Variants in SRPK1 observed in about 807,000 individuals in gnomAD.
SRPK1 encodes the protein SFRS protein kinase 1.
Under a neutral mutation model 89.5 loss-of-function variants are expected in SRPK1, and 52 were observed. That is an observed-to-expected ratio of 0.58 (90% CI 0.46 to 0.73). SRPK1 has a LOEUF of 0.73. Ranked by LOEUF, SRPK1 falls within the 30% of genes least tolerant of loss-of-function variation. The pLI is 0.00. For missense variants in SRPK1, 603 were observed against 780.6 expected (o/e 0.77, Z 2.71); for synonymous variants, 255 against 270.2 (o/e 0.94, Z 0.55).
intron 14 of SRPK1, chr6:35,838,880 C>A (rs1378595046): frequency 5.4e-6 from 7 of 1,294,814 alleles, no homozygotes; most frequent in African/African-American, 3.0e-5. Context: ...CAAGGACTAG[C>A]TGTTTAAAAG....
At chr6:35,857,142 T>TG in intron 13 of SRPK1, 119 bp downstream of exon 13, 1 of 719,520 alleles carries the variant, frequency 1.4e-6, no homozygotes, top group Middle Eastern at 2.4e-4. Flanking sequence ...AGAATACCTA[T>TG]GGTAAATCAT....
At chr6:35,907,761 A>G (rs1230447649) in intron 2 of SRPK1, among the ~76,000 whole-genome samples, 2 of 152,176 alleles carry the variant, frequency 1.3e-5, no homozygotes, top group Non-Finnish European at 2.9e-5. Context: ...CACATGAATA[A>G]CAAGAAAGAG....
chr6:35,846,185 G>A (rs1426569411), intron 13 of SRPK1, among the ~76,000 whole-genome samples: 1 of 152,046 alleles, frequency 6.6e-6, no homozygotes, highest in Admixed American at 6.6e-5. Flanking sequence ...AGCACTTTGG[G>A]AGGCCAAGAC....
intron 2 of SRPK1, among the ~76,000 whole-genome samples, chr6:35,894,638 TA>T (rs34485022): frequency 9.9e-5 from 15 of 152,050 alleles, no homozygotes; most frequent in African/African-American, 3.6e-4. Flanking sequence ...GGCTTCTAGG[TA>T]AAAAAAGCTA....
intron 12 of SRPK1, among the ~76,000 whole-genome samples, chr6:35,858,787 G>A (rs540427488): frequency 1.3e-5 from 2 of 152,170 alleles, no homozygotes; most frequent in South Asian, 4.1e-4. Context: ...TATATATAGA[G>A]AAAACAATAA....
chr6:35,882,957 T>C (rs549404701), intron 6 of SRPK1, among the ~76,000 whole-genome samples: 1 of 152,210 alleles, frequency 6.6e-6, no homozygotes, highest in East Asian at 1.9e-4. Context: ...TACAGGCACG[T>C]GCCACCACGC....
intron 2 of SRPK1, among the ~76,000 whole-genome samples, chr6:35,898,554 ATT>A (rs1238241331): frequency 6.6e-6 from 1 of 152,104 alleles, no homozygotes; most frequent in Non-Finnish European, 1.5e-5. Flanking sequence ...GTATTACTAT[ATT>A]TTTTACAAGT....
At position 35,869,559 on chromosome 6, in the gene SRPK1, A is replaced by G. The variant is rs767705257; in HGVS notation, c.1334T>C (p.Leu445Pro). 34 of 1,613,814 alleles carry G rather than the reference A, an allele frequency of 2.1e-5. 1 individual carries two copies. In the South Asian group the frequency reaches 3.7e-4, roughly 18 times the overall value. Reference protein sequence around the residue: ...QSFSEQHISQLQESIRAEIPC... With the variant: ...QSFSEQHISQPQESIRAEIPC... ...TATCTCTGCCCGAATGCTTTCTTGA[A>G]GTTGGCTAATGTGTTGTTCACTGAA... The change falls in exon 11 of 16, where the codon CTT (leucine) becomes CCT (proline). Residue 445 changes from leucine (L) to proline (P), a missense_variant. By Grantham distance (98) the Leu-to-Pro change is moderately conservative (BLOSUM62 -3). Transcript: ENST00000373825.
chr6:35,920,510 C>A lies in SRPK1; in HGVS notation c.32G>T (p.Arg11Leu), dbSNP rs774096126. 6.2e-7 allele frequency: 1 copy of A among 1,613,338 alleles called. No individual in the cohort carries two copies. The highest frequency in any genetic ancestry group is 8.5e-7 in the Non-Finnish European group (1 of 1,179,496). MERKVLALQA[R>L]KKRTKAKKDK... is the part of the protein sequence containing the mutation. ...CTTCTTGGCCTTGGTCCTTTTCTTT[C>A]GGGCCTGGAGCGCAAGCACTGCAGG... The change falls in exon 2 of 16, where the codon CGA becomes CTA. Residue 11 changes from arginine to leucine, a missense_variant. Arg to Leu is a moderately radical substitution (Grantham distance 102). Transcript: ENST00000373825.
At chr6:35,880,740 A>AC (rs1770259349) in intron 6 of SRPK1, among the ~76,000 whole-genome samples, 1 of 112,854 alleles carries the variant, frequency 8.9e-6, no homozygotes, top group Non-Finnish European at 1.8e-5. Context: ...AAAAAGAAAA[A>AC]AAAAAAAAAA....
chr6:35,869,453 GT>G, intron 11 of SRPK1, 28 bp downstream of exon 11: 1 of 1,599,326 alleles, frequency 6.3e-7, no homozygotes, highest in Non-Finnish European at 8.6e-7. Context: ...CAGGGAAGGA[GT>G]GTTGAGGAAG....
At chr6:35,884,133 A>C (rs1770354826) in intron 6 of SRPK1, among the ~76,000 whole-genome samples, 2 of 152,216 alleles carry the variant, frequency 1.3e-5, no homozygotes, top group Non-Finnish European at 2.9e-5. Context: ...AAGCACATTT[A>C]GGGCACATTA....
intron 6 of SRPK1, among the ~76,000 whole-genome samples, chr6:35,879,080 CTT>C (rs984868231): frequency 6.6e-6 from 1 of 151,940 alleles, no homozygotes; most frequent in African/African-American, 2.4e-5. Context: ...GACAGAGACT[CTT>C]GTCTCTAAAT....
chr6:35,915,997 TACACACACACACAC>T lies in SRPK1; in HGVS notation c.74+4457_74+4470del, dbSNP rs57574093. ...AAAAACAAAAAAAAAAAAAAATATA[TACACACACACACAC>T]ACACACACACACACACACACACACA... On this transcript the variant is annotated intron_variant, in intron 2 of 15. Transcript: ENST00000373825. Among the ~76,000 whole-genome samples the T allele has an allele frequency of 2.0e-3, 178 of 90,202 alleles. 2 individuals carry two copies. Among genetic ancestry groups the T allele is most frequent in the South Asian group, 3.5e-3 (9 of 2,574 alleles). The allele number at this position is 90,202 out of a possible 152,430, so 59.2% of individuals were successfully genotyped here.
At chr6:35,891,055 G>T (rs984831017) in intron 2 of SRPK1, 42 bp from the exon 3 acceptor site, 14 of 1,529,034 alleles carry the variant, frequency 9.2e-6, no homozygotes, top group Non-Finnish European at 1.2e-5. Flanking sequence ...TTGGACAGAA[G>T]AAAATAAGAC....
intron 7 of SRPK1, among the ~76,000 whole-genome samples, chr6:35,873,333 A>G (rs1770074408): frequency 6.6e-6 from 1 of 152,356 alleles, no homozygotes; most frequent in Admixed American, 6.5e-5. Flanking sequence ...GAACTTCTGG[A>G]TAAGGGCTCC....
At chr6:35,905,000 TA>T in intron 2 of SRPK1, 1 of 441,946 alleles carries the variant, frequency 2.3e-6, no homozygotes, top group South Asian at 1.6e-5. Flanking sequence ...AAAAAAAAAT[TA>T]AAAATTAAGG....
intron 14 of SRPK1, among the ~76,000 whole-genome samples, chr6:35,841,906 T>C (rs1254865898): frequency 6.6e-6 from 1 of 151,500 alleles, no homozygotes; most frequent in South Asian, 2.1e-4. Context: ...CATTTAGTTA[T>C]CTGGATGCCA....
chr6:35,898,953 G>A (rs1040672298), intron 2 of SRPK1, among the ~76,000 whole-genome samples: 3 of 152,004 alleles, frequency 2.0e-5, no homozygotes, highest in East Asian at 3.9e-4. Flanking sequence ...CTGAGGTCAC[G>A]AGTTCAAGAC....
Sources: gnomAD v4.1 joint callset for allele counts (sites outside exome capture counted in the v4.1 genomes callset) on GRCh38, gnomAD v4.1.1 for gene constraint, MANE v1.5 for transcripts, NCBI Gene and HGNC (gene_info 2026-07-23, HGNC 2026-07-21) for gene names.